Variants in PLCB4 observed in about 807,000 individuals in gnomAD.
The protein encoded by PLCB4 is 1-phosphatidylinositol 4,5-bisphosphate phosphodiesterase beta-4.
Under a neutral mutation model 178.8 loss-of-function variants are expected in PLCB4, and 77 were observed. The ratio of observed to expected loss-of-function variants is 0.43; its 90% confidence interval spans 0.36 to 0.52. PLCB4 has a LOEUF of 0.52. PLCB4 is among the 20% of genes least tolerant of loss of function. The pLI, the probability that PLCB4 is intolerant of heterozygous loss-of-function variation, is 0.00. For missense variants in PLCB4, 1,024 were observed against 1,453.4 expected (o/e 0.70, Z 4.80); for synonymous variants, 496 against 490.8 (o/e 1.01, Z -0.14).
intron 2 of PLCB4, among the ~76,000 whole-genome samples, chr20:9,126,765 C>T (rs1327184722): frequency 7.1e-6 from 1 of 140,634 alleles, no homozygotes; most frequent in Non-Finnish European, 1.5e-5. Flanking sequence ...CATGTCATTT[C>T]ATTTGCTTTT....
chr20:9,156,270 G>A (rs1262028610), intron 2 of PLCB4, among the ~76,000 whole-genome samples: 2 of 152,088 alleles, frequency 1.3e-5, no homozygotes, highest in African/African-American at 4.8e-5. Flanking sequence ...CAATGTATTC[G>A]AGAAGTCACG....
At chr20:9,417,979 T>A (rs945174683) in intron 25 of PLCB4, among the ~76,000 whole-genome samples, 4 of 152,200 alleles carry the variant, frequency 2.6e-5, no homozygotes, top group African/African-American at 9.6e-5. Flanking sequence ...TTTTATGTGC[T>A]TCTTGGTTTT....
chr20:9,323,882 C>T (rs746039218), intron 4 of PLCB4, among the ~76,000 whole-genome samples: 16 of 152,188 alleles, frequency 1.1e-4, no homozygotes, highest in Non-Finnish European at 1.8e-4. Flanking sequence ...GTACTGCAAG[C>T]TGAGACAATT....
At chr20:9,083,244 T>A (rs1488451925) in intron 1 of PLCB4, among the ~76,000 whole-genome samples, 1 of 152,142 alleles carries the variant, frequency 6.6e-6, no homozygotes, top group African/African-American at 2.4e-5. Context: ...GCAGCCTTCT[T>A]ATTGCAGAAG....
intron 25 of PLCB4, among the ~76,000 whole-genome samples, chr20:9,418,519 G>C (rs2040408129): frequency 6.6e-6 from 1 of 152,088 alleles, no homozygotes; most frequent in South Asian, 2.1e-4. Flanking sequence ...GTCTCAATGA[G>C]TTATGTGTTT....
intron 33 of PLCB4, among the ~76,000 whole-genome samples, chr20:9,456,217 C>T (rs147786338): frequency 6.6e-6 from 1 of 152,262 alleles, no homozygotes; most frequent in Non-Finnish European, 1.5e-5. Context: ...CTTTCTCATG[C>T]AGGATCTATT....
At chr20:9,332,398 T>C (rs112210339) in intron 4 of PLCB4, among the ~76,000 whole-genome samples, 73 of 152,038 alleles carry the variant, frequency 4.8e-4, no homozygotes, top group African/African-American at 1.7e-3. Flanking sequence ...TGTTTGTTAG[T>C]AGGAGGTGGT....
At chr20:9,090,764 A>G (rs528398848) in intron 1 of PLCB4, among the ~76,000 whole-genome samples, 1 of 152,172 alleles carries the variant, frequency 6.6e-6, no homozygotes, top group East Asian at 1.9e-4. Flanking sequence ...CTCCATGAGA[A>G]TTTATAAAGT....
chr20:9,222,633 A>C (rs912731603), intron 3 of PLCB4, among the ~76,000 whole-genome samples: 4 of 152,218 alleles, frequency 2.6e-5, no homozygotes, highest in African/African-American at 9.7e-5. Flanking sequence ...AGCATATCCA[A>C]ATAATTATTT....
At chr20:9,389,735 G>C (rs2037980623) in intron 15 of PLCB4, 144 bp from the exon 16 acceptor site, 3 of 575,002 alleles carry the variant, frequency 5.2e-6, no homozygotes, top group Non-Finnish European at 9.2e-6. Context: ...TCAACCTTTA[G>C]AGGTGTCAAG....
chr20:9,334,239 A>C (rs907239893), intron 4 of PLCB4, among the ~76,000 whole-genome samples: 8 of 152,174 alleles, frequency 5.3e-5, no homozygotes, highest in Non-Finnish European at 7.3e-5. Flanking sequence ...AAACTCTCAG[A>C]GATCAACTCA....
intron 3 of PLCB4, among the ~76,000 whole-genome samples, chr20:9,262,807 A>C (rs925950033): frequency 6.6e-6 from 1 of 152,162 alleles, no homozygotes; most frequent in Admixed American, 6.5e-5. Flanking sequence ...TCCTCTTTGC[A>C]TTGGAATTTG....
chr20:9,307,473 C>A (rs1255896817), intron 3 of PLCB4, among the ~76,000 whole-genome samples: 1 of 146,220 alleles, frequency 6.8e-6, no homozygotes, highest in East Asian at 2.0e-4. Context: ...TATCTGGTGC[C>A]TTCAGATTTT....
intron 3 of PLCB4, among the ~76,000 whole-genome samples, chr20:9,294,505 T>C (rs972283035): frequency 2.0e-5 from 3 of 152,148 alleles, no homozygotes; most frequent in African/African-American, 7.2e-5. Context: ...TGGTTGTCCA[T>C]GGACTTCCTG....
chr20:9,299,620 T>G (rs2094681305), intron 3 of PLCB4, among the ~76,000 whole-genome samples: 1 of 152,214 alleles, frequency 6.6e-6, no homozygotes, highest in East Asian at 1.9e-4. Flanking sequence ...CTAAATTTGC[T>G]ATTGTTAAGC....
At chr20:9,127,856 T>A in intron 2 of PLCB4, among the ~76,000 whole-genome samples, 1 of 152,248 alleles carries the variant, frequency 6.6e-6, no homozygotes. Flanking sequence ...GGCTACTTTT[T>A]GTATTTTTTT....
chr20:9,129,556 A>G (rs2092220637), intron 2 of PLCB4, among the ~76,000 whole-genome samples: 1 of 152,190 alleles, frequency 6.6e-6, no homozygotes, highest in Non-Finnish European at 1.5e-5. Context: ...AAAGGAGAAC[A>G]CATCTAAGGG....
intron 27 of PLCB4, 55 bp downstream of exon 27, chr20:9,421,516 A>T (rs1223715255): frequency 7.0e-7 from 1 of 1,434,534 alleles, no homozygotes; most frequent in East Asian, 2.3e-5. Context: ...GCCATGTTTT[A>T]GTTCACAGAC....
At chr20:9,133,171 C>T (rs1390368262) in intron 2 of PLCB4, among the ~76,000 whole-genome samples, 1 of 152,076 alleles carries the variant, frequency 6.6e-6, no homozygotes, top group Non-Finnish European at 1.5e-5. Flanking sequence ...ATCTTCTTAC[C>T]TTTAGGTCTT....
Sources: gnomAD v4.1 joint callset for allele counts (sites outside exome capture counted in the v4.1 genomes callset) on GRCh38, gnomAD v4.1.1 for gene constraint, MANE v1.5 for transcripts, NCBI Gene and HGNC (gene_info 2026-07-23, HGNC 2026-07-21) for gene names.